The following TRIQK variants were observed in gnomAD, a reference collection of about 807,000 sequenced individuals.
The protein encoded by TRIQK is triple QxxK/R motif containing.
A neutral mutation model predicts 10.8 loss-of-function variants in TRIQK; 10 were observed. The ratio of observed to expected loss-of-function variants is 0.92; its 90% confidence interval spans 0.57 to 1.57. The LOEUF is 1.57. Ranked by LOEUF, TRIQK falls within the 40% of genes most tolerant of loss-of-function variation. The pLI is 0.00. For synonymous variants in TRIQK, 33 were observed against 33.7 expected, an observed-to-expected ratio of 0.98 and a Z score of 0.07; for missense variants, 107 against 97.7, an observed-to-expected ratio of 1.09 and a Z score of -0.40.
chr8:93,017,299 G>A (rs1813394956), intron 1 of TRIQK, among the ~76,000 whole-genome samples: 1 of 152,114 alleles, frequency 6.6e-6, no homozygotes, highest in Non-Finnish European at 1.5e-5. Context: ...GACTAAGTAA[G>A]AAATAAACGA....
At chr8:92,935,980 C>T (rs939410051) in intron 2 of TRIQK, among the ~76,000 whole-genome samples, 1 of 151,542 alleles carries the variant, frequency 6.6e-6, no homozygotes, top group Non-Finnish European at 1.5e-5. Context: ...ACACACAAAA[C>T]AGGTAAGATT....
At chr8:93,006,250 A>G (rs1236151700) in intron 1 of TRIQK, among the ~76,000 whole-genome samples, 4 of 152,144 alleles carry the variant, frequency 2.6e-5, no homozygotes, top group Admixed American at 2.6e-4. Context: ...CTGATCCAGC[A>G]ACTCGGTATC....
intron 2 of TRIQK, chr8:92,941,070 T>G (rs1357861947): frequency 6.6e-6 from 1 of 151,940 alleles, no homozygotes; most frequent in African/African-American, 2.4e-5. Flanking sequence ...TATTTATTAT[T>G]TATTTATTTA....
intron 1 of TRIQK, among the ~76,000 whole-genome samples, chr8:93,003,915 G>A (rs1004010690): frequency 5.9e-5 from 9 of 152,152 alleles, no homozygotes; most frequent in Non-Finnish European, 1.2e-4. Context: ...CTGTTGCAGG[G>A]GGTGTGATCC....
At chr8:93,007,917 AAAG>A (rs1314388908) in intron 1 of TRIQK, among the ~76,000 whole-genome samples, 15 of 152,202 alleles carry the variant, frequency 9.9e-5, no homozygotes, top group African/African-American at 2.9e-4. Context: ...TAGACTGGAT[AAAG>A]AAAGTGTGGT....
chr8:92,970,025 T>G (rs1586517933), upstream of TRIQK, among the ~76,000 whole-genome samples: 2 of 152,324 alleles, frequency 1.3e-5, no homozygotes, highest in South Asian at 2.1e-4. Context: ...CTCCCACTTA[T>G]AAGTGAGAAT....
At chr8:93,011,201 C>CATAT (rs766474499) in intron 1 of TRIQK, among the ~76,000 whole-genome samples, 5 of 98,592 alleles carry the variant, frequency 5.1e-5, no homozygotes, top group African/African-American at 1.9e-4. Flanking sequence ...CACACACACA[C>CATAT]ACACATATAT....
chr8:92,983,129 A>G (rs1179427135), intron 1 of TRIQK, among the ~76,000 whole-genome samples: 1 of 152,044 alleles, frequency 6.6e-6, no homozygotes, highest in Non-Finnish European at 1.5e-5. Context: ...ATTCTAAATT[A>G]TTTTTATTTA....
intron 3 of TRIQK, among the ~76,000 whole-genome samples, chr8:92,904,376 C>T (rs1809133012): frequency 6.6e-6 from 1 of 152,086 alleles, no homozygotes; most frequent in African/African-American, 2.4e-5. Flanking sequence ...GGGGGAATTT[C>T]AGAGGTTGAC....
intron 2 of TRIQK, among the ~76,000 whole-genome samples, chr8:92,923,040 C>T (rs1007026374): frequency 1.3e-5 from 2 of 151,526 alleles, no homozygotes; most frequent in African/African-American, 2.4e-5. Flanking sequence ...AAGAAACACA[C>T]AAAAAAATAG....
chr8:92,927,879 A>G (rs1810521246), intron 2 of TRIQK: 1 of 152,176 alleles, frequency 6.6e-6, no homozygotes, highest in Non-Finnish European at 1.5e-5. Flanking sequence ...CAGGAAATGT[A>G]AATGTTCTGG....
chr8:92,909,541 G>C lies in TRIQK; in HGVS notation c.61+7388C>G, dbSNP rs552440538. ...TGTTATAGAAACAATTCAAACCAATGATAATTTTTCAATGCTTGGACATAA... is the reference window on the plus strand; with the variant it reads ...TGTTATAGAAACAATTCAAACCAATCATAATTTTTCAATGCTTGGACATAA... On this transcript the variant is annotated intron_variant, in intron 3 of 4. Transcript: ENST00000521988. Among the ~76,000 whole-genome samples, 8 of 151,858 alleles carry C rather than the reference G, an allele frequency of 5.3e-5. No individual in the cohort carries two copies. The South Asian group carries it at 1.2e-3, about 24-fold the overall frequency.
intron 1 of TRIQK, among the ~76,000 whole-genome samples, chr8:93,008,902 T>C (rs1052726470): frequency 6.6e-6 from 1 of 152,174 alleles, no homozygotes; most frequent in Non-Finnish European, 1.5e-5. Context: ...AGGAAATGAT[T>C]CATGACATTG....
At chr8:92,974,504 A>G (rs1414390742) in intron 1 of TRIQK, 3 of 152,216 alleles carry the variant, frequency 2.0e-5, no homozygotes, top group Non-Finnish European at 4.4e-5. Flanking sequence ...GAAACAAGAA[A>G]TTCATTATTC....
chr8:93,012,249 G>A (rs1813342665), intron 1 of TRIQK, among the ~76,000 whole-genome samples: 1 of 152,014 alleles, frequency 6.6e-6, no homozygotes, highest in Non-Finnish European at 1.5e-5. Flanking sequence ...TTTCTTTTTG[G>A]CAGTAAAAAT....
At chr8:92,941,845 C>T (rs926513538) in intron 2 of TRIQK, among the ~76,000 whole-genome samples, 7 of 151,528 alleles carry the variant, frequency 4.6e-5, no homozygotes, top group Admixed American at 1.3e-4. Flanking sequence ...AATGGATAAA[C>T]TAGAAACATG....
intron 1 of TRIQK, among the ~76,000 whole-genome samples, chr8:93,004,705 G>A (rs1813250558): frequency 6.6e-6 from 1 of 152,188 alleles, no homozygotes; most frequent in Non-Finnish European, 1.5e-5. Context: ...CAATTTGAAT[G>A]CTTTGCTGCT....
chr8:92,992,375 C>T (rs1274967698), intron 1 of TRIQK, among the ~76,000 whole-genome samples: 1 of 152,166 alleles, frequency 6.6e-6, no homozygotes, highest in Non-Finnish European at 1.5e-5. Context: ...TACCGGGAGC[C>T]TTGTACTAGT....
intron 2 of TRIQK, among the ~76,000 whole-genome samples, chr8:92,924,556 T>G (rs1167841410): frequency 2.6e-5 from 4 of 152,016 alleles, no homozygotes; most frequent in African/African-American, 9.7e-5. Context: ...AAGAGTCATC[T>G]CTGAGTAATC....
Sources: allele counts gnomAD v4.1 joint callset (sites outside exome capture counted in the v4.1 genomes callset), GRCh38; gene constraint gnomAD v4.1.1; transcripts MANE v1.5; gene names NCBI Gene and HGNC (gene_info 2026-07-23, HGNC 2026-07-21).